CDK5RAP2: variants seen among roughly 807,000 people sequenced by gnomAD.
CDK5RAP2 encodes the protein CDK5 regulatory subunit associated protein 2, also known as CDK5 regulatory subunit-associated protein 2.
Under a neutral mutation model 232.9 loss-of-function variants are expected in CDK5RAP2, and 147 were observed. That is an observed-to-expected ratio of 0.63 (90% CI 0.55 to 0.72). CDK5RAP2 has a LOEUF of 0.72. CDK5RAP2 is among the 30% of genes least tolerant of loss of function. The pLI, the probability that CDK5RAP2 is intolerant of heterozygous loss-of-function variation, is 0.00. For missense variants in CDK5RAP2, 2,195 were observed against 2,231.5 expected (o/e 0.98, Z 0.33); for synonymous variants, 833 against 833.7 (o/e 1.00, Z 0.01).
chr9:120,527,599 T>C (rs536548904), intron 10 of CDK5RAP2, among the ~76,000 whole-genome samples: 42 of 152,304 alleles, frequency 2.8e-4, no homozygotes, highest in African/African-American at 1.0e-3. Context: ...TTAAATCACA[T>C]AGGTAACCCA....
rs1246250028 is a variant in CDK5RAP2 at position 120,487,354 on chromosome 9, G to A, written c.1566C>T (p.Gly522=). ...GAGAAGAGCACTTTTCTGTTATTAA[G>A]CCTTCACTCCTGAGCTCAAGATCCT... ...AAEDLELRSE[G]LITEKCSSQQ... is the part of the protein sequence containing the mutation. The change falls in exon 14 of 38, where the codon GGC becomes GGT. Residue 522 remains glycine (G), a synonymous_variant. Coordinates refer to ENST00000349780, the MANE Select transcript of CDK5RAP2 (RefSeq NM_018249.6). 2 of 1,613,800 alleles carry A rather than the reference G, an allele frequency of 1.2e-6. No homozygotes were observed. Among genetic ancestry groups the A allele is most frequent in the African/African-American group, 2.7e-5 (2 of 74,902 alleles).
At chr9:120,406,898 G>T in intron 32 of CDK5RAP2, 114 bp downstream of exon 32, 1 of 810,508 alleles carries the variant, frequency 1.2e-6, no homozygotes, top group African/African-American at 1.7e-5. Flanking sequence ...CAGCATGTCA[G>T]CTATCAATGG....
At chr9:120,407,657 C>T (rs1440263887) in intron 31 of CDK5RAP2, 1 of 177,220 alleles carries the variant, frequency 5.6e-6, no homozygotes, top group East Asian at 1.5e-4. Flanking sequence ...TGTGAGATGA[C>T]CCCTTTCTAG....
At position 120,407,711 on chromosome 9, in the gene CDK5RAP2, T is replaced by A. The variant is rs200173385; in HGVS notation, c.4727-463A>T. Reference sequence around the variant, plus strand: ...GAAACCATCTGGAAAATTAGTAAAATAAAAAAAAAAAAAAAACACCTCACC... The same window carrying A: ...GAAACCATCTGGAAAATTAGTAAAAAAAAAAAAAAAAAAAAACACCTCACC... On this transcript the variant is annotated intron_variant, in intron 31 of 37. Transcript: ENST00000349780. 1,007 of 141,868 alleles carry A rather than the reference T, an allele frequency of 7.1e-3. 2 individuals are homozygous for A. Among genetic ancestry groups the A allele is most frequent in the East Asian group, 0.041 (201 of 4,848 alleles). 8.8% of individuals were successfully genotyped at this position (141,868 alleles called of 1,614,324 possible).
intron 11 of CDK5RAP2, among the ~76,000 whole-genome samples, chr9:120,522,137 A>C (rs145077639): frequency 2.0e-5 from 3 of 152,236 alleles, no homozygotes; most frequent in African/African-American, 7.2e-5. Context: ...TGAGCAGCAC[A>C]GAGCTAAATA....
chr9:120,443,946 G>A (rs575646695), intron 22 of CDK5RAP2, among the ~76,000 whole-genome samples: 1 of 152,092 alleles, frequency 6.6e-6, no homozygotes, highest in Non-Finnish European at 1.5e-5. Flanking sequence ...TGTCTGAAAT[G>A]GTTTAAGTCC....
Position 120,575,738 on chromosome 9 carries a change from G to A in CDK5RAP2, c.60-3697C>T, listed in dbSNP as rs77053439. ...CTCGCTCCCATCTAGAACCCGCCTA[G>A]GAGGTAATCACTGTTTTCAAAAAGA... On this transcript the variant is annotated intron_variant, in intron 1 of 37. Transcript: ENST00000349780. Among the ~76,000 whole-genome samples, 624 of 152,162 alleles carry A rather than the reference G, an allele frequency of 4.1e-3. 4 individuals carry two copies. The highest frequency in any genetic ancestry group is 0.014 in the African/African-American group (565 of 41,522).
intron 3 of CDK5RAP2, among the ~76,000 whole-genome samples, chr9:120,559,570 GAAAAAAAAA>G (rs777727216): frequency 1.6e-5 from 1 of 60,828 alleles, no homozygotes; most frequent in African/African-American, 5.9e-5. Context: ...AGAGAAACAA[GAAAAAAAAA>G]AAAAAAAAAA....
chr9:120,545,669 C>G (rs1161783834), intron 5 of CDK5RAP2, 45 bp downstream of exon 5: 1 of 1,438,176 alleles, frequency 7.0e-7, no homozygotes, highest in Non-Finnish European at 9.8e-7. Flanking sequence ...ACTGACCAAC[C>G]CAGTGTGGGC....
At position 120,458,467 on chromosome 9, in the gene CDK5RAP2, T is replaced by C. The variant is rs189998624; in HGVS notation, c.2358A>G (p.Thr786=). ...LLAPLFNEKA[T]LLLESRPDLL... The stretch of plus-strand genomic sequence containing the variant: ...ATGTATACCTGGATTCCAGTAATAA[T>C]GTGGCCTTCTCATTGAACAAAGGGG... The change falls in exon 20 of 38, where the codon ACA becomes ACG. Residue 786 remains threonine (T), a synonymous_variant. Transcript: ENST00000349780. The C allele has an allele frequency of 2.5e-6, 4 of 1,614,148 alleles. No individual in the cohort carries two copies. The highest frequency in any genetic ancestry group is 2.2e-5 in the East Asian group (1 of 44,876).
Position 120,411,479 on chromosome 9 carries a change from A to G in CDK5RAP2, c.4298-5T>C. ...AAGCAAAAATGCTTGTAGAACCTAT[A>G]AAAACACACATAAAAACTGATTTAT... is the stretch of plus-strand genomic sequence containing the variant. On this transcript the variant is annotated splice_region_variant and splice_polypyrimidine_tract_variant and intron_variant, in intron 28 of 37. Transcript: ENST00000349780. The G allele has an allele frequency of 6.8e-7, 1 of 1,465,388 alleles. No homozygotes were observed. The highest frequency in any genetic ancestry group is 9.6e-7 in the Non-Finnish European group (1 of 1,045,078). 90.8% of individuals were successfully genotyped at this position (1,465,388 alleles called of 1,614,324 possible).
At chr9:120,535,306 G>A (rs1048784885) in intron 7 of CDK5RAP2, among the ~76,000 whole-genome samples, 1 of 152,144 alleles carries the variant, frequency 6.6e-6, no homozygotes, top group African/African-American at 2.4e-5. Flanking sequence ...CCAAAGATTA[G>A]GATTTGCTCA....
At chr9:120,468,273 TTAC>T (rs1374301056) in intron 17 of CDK5RAP2, among the ~76,000 whole-genome samples, 1 of 152,190 alleles carries the variant, frequency 6.6e-6, no homozygotes, top group African/African-American at 2.4e-5. Flanking sequence ...ATCTGTAGCG[TTAC>T]TACGAGAACT....
rs1588462815 is a variant in CDK5RAP2, at chr9:120,487,318, T to A, written c.1602A>T (p.Pro534=). Reference sequence around the variant, plus strand: ...CCTTAGAGAAGATGGTTTTGCTGCCTGGTGGCTGTTGAGAAGAGCACTTTT... The same window carrying A: ...CCTTAGAGAAGATGGTTTTGCTGCCAGGTGGCTGTTGAGAAGAGCACTTTT... ...ITEKCSSQQP[P]GSKTIFSKEK... is the part of the protein sequence containing the mutation. The change falls in exon 14 of 38, where the codon CCA becomes CCT. Residue 534 remains proline (P), a synonymous_variant. Coordinates refer to ENST00000349780, the MANE Select transcript of CDK5RAP2 (RefSeq NM_018249.6). 6.2e-7 allele frequency: 1 copy of A among 1,614,150 alleles called. No homozygotes were observed. The highest frequency in any genetic ancestry group is 8.5e-7 in the Non-Finnish European group (1 of 1,180,030).
At chr9:120,479,238 C>T (rs2131576261) in intron 14 of CDK5RAP2, among the ~76,000 whole-genome samples, 1 of 151,914 alleles carries the variant, frequency 6.6e-6, no homozygotes, top group African/African-American at 2.4e-5. Flanking sequence ...GTAGGTTTTT[C>T]TTTATAGAAA....
intron 1 of CDK5RAP2, among the ~76,000 whole-genome samples, chr9:120,576,852 G>A (rs1581776): frequency 1.3e-5 from 2 of 152,062 alleles, no homozygotes; most frequent in African/African-American, 4.8e-5. Flanking sequence ...GAAGCAGGAG[G>A]ATCACTTGAG....
At position 120,404,051 on chromosome 9, in the gene CDK5RAP2, C is replaced by G. The variant is rs1176260666; in HGVS notation, c.5026G>C (p.Val1676Leu). The change falls in exon 33 of 38, where the codon GTG (valine) becomes CTG (leucine). Residue 1676 changes from valine to leucine, a missense_variant. Val to Leu is a conservative substitution (Grantham distance 32). Transcript: ENST00000349780. ...AGCTTTGTACCTGATTTTGGTGTCA[C>G]TGCCTGGGAGGAATCAAACAGATCA... ...SFDLFDSSQA[V>L]TPKSVSETPP... 2.5e-6 allele frequency: 4 copies of G among 1,612,542 alleles called. No homozygotes were observed. The East Asian group carries it at 6.7e-5, about 27-fold the overall frequency.
In CDK5RAP2 at chr9:120,543,196, C is replaced by T. The variant is rs189068516; in HGVS notation, c.383+2518G>A. On this transcript the variant is annotated intron_variant, in intron 5 of 37. Coordinates refer to ENST00000349780, the MANE Select transcript of CDK5RAP2 (RefSeq NM_018249.6). ...TCTGCTTCCCAAATGTCTGATTCACCCAGCTACTCTGTCACTCACCTCTCA... is the reference window on the plus strand; with the variant it reads ...TCTGCTTCCCAAATGTCTGATTCACTCAGCTACTCTGTCACTCACCTCTCA... Among the ~76,000 whole-genome samples the T allele has an allele frequency of 1.4e-3, 219 of 152,304 alleles. 1 individual carries two copies. The highest frequency in any genetic ancestry group is 5.1e-3 in the African/African-American group (212 of 41,566).
At chr9:120,505,647 A>C (rs927755032) in intron 12 of CDK5RAP2, among the ~76,000 whole-genome samples, 1 of 152,244 alleles carries the variant, frequency 6.6e-6, no homozygotes, top group South Asian at 2.1e-4. Flanking sequence ...AAGGAAATTA[A>C]AAGTGCTACT....
Sources: gnomAD v4.1 joint callset for allele counts (sites outside exome capture counted in the v4.1 genomes callset) on GRCh38, gnomAD v4.1.1 for gene constraint, MANE v1.5 for transcripts, NCBI Gene and HGNC (gene_info 2026-07-23, HGNC 2026-07-21) for gene names.